The following FSTL5 variants were observed in gnomAD, a reference collection of about 807,000 sequenced individuals.
FSTL5 encodes follistatin like 5, also known as follistatin-related protein 5.
Under a neutral mutation model 89.1 loss-of-function variants are expected in FSTL5, and 62 were observed. The observed-to-expected ratio is 0.70, with a 90% CI of 0.57 to 0.86. FSTL5 has a LOEUF of 0.86. Among genes scored for constraint, FSTL5 ranks in the 40% least tolerant of loss-of-function variants. The pLI is 0.00. For synonymous variants in FSTL5, 383 were observed against 346.2 expected, an observed-to-expected ratio of 1.11 and a Z score of -1.18; for missense variants, 1,057 against 1,001.6, an observed-to-expected ratio of 1.06 and a Z score of -0.75.
At chr4:162,070,467 A>T (rs1729569266) in intron 2 of FSTL5, among the ~76,000 whole-genome samples, 1 of 151,856 alleles carries the variant, frequency 6.6e-6, no homozygotes. Context: ...TTTCTTCTAC[A>T]GGTTGCATAG....
Position 161,502,094 on chromosome 4 carries a change from C to G in FSTL5, c.1340-1960G>C, listed in dbSNP as rs563136460. ...TCTTTAACTTTGCCAAAATACTGTT[C>G]GAAAATTATGAATTTGAATGTGTTT... On this transcript the variant is annotated intron_variant, in intron 11 of 15. Transcript: ENST00000306100. Among the ~76,000 whole-genome samples, 18 of 152,022 alleles carry G rather than the reference C, an allele frequency of 1.2e-4. No homozygotes were observed. The East Asian group carries it at 3.5e-3, about 29-fold the overall frequency.
intron 9 of FSTL5, among the ~76,000 whole-genome samples, chr4:161,541,752 T>A (rs996090445): frequency 6.6e-6 from 1 of 151,920 alleles, no homozygotes; most frequent in Non-Finnish European, 1.5e-5. Context: ...AGTCATAAAA[T>A]AAGAACTATA....
chr4:162,041,430 A>ATTT (rs1001098774), intron 2 of FSTL5, among the ~76,000 whole-genome samples: 1 of 152,026 alleles, frequency 6.6e-6, no homozygotes, highest in Non-Finnish European at 1.5e-5. Flanking sequence ...AATGAAAGTA[A>ATTT]TTTTCTTATG....
At chr4:161,704,711 A>G (rs1228033853) in intron 6 of FSTL5, among the ~76,000 whole-genome samples, 1 of 152,076 alleles carries the variant, frequency 6.6e-6, no homozygotes, top group Non-Finnish European at 1.5e-5. Flanking sequence ...AAGCAGTTTA[A>G]AGATTAAATC....
At chr4:161,988,028 A>G (rs558702346) in intron 3 of FSTL5, among the ~76,000 whole-genome samples, 7 of 151,750 alleles carry the variant, frequency 4.6e-5, no homozygotes, top group African/African-American at 1.7e-4. Context: ...TACAAATTTT[A>G]TTGTGAGAGA....
chr4:162,067,208 C>T (rs573121905), intron 2 of FSTL5, among the ~76,000 whole-genome samples: 2 of 152,018 alleles, frequency 1.3e-5, no homozygotes, highest in Admixed American at 1.3e-4. Context: ...GCCATGCCCC[C>T]ACACCCAACA....
At chr4:161,910,560 T>C (rs1162154771) in intron 4 of FSTL5, among the ~76,000 whole-genome samples, 3 of 152,264 alleles carry the variant, frequency 2.0e-5, no homozygotes, top group Admixed American at 6.5e-5. Flanking sequence ...CCCAGTCTTC[T>C]GTTTGCTTAG....
chr4:162,032,730 C>A (rs182870645), intron 3 of FSTL5: 3 of 152,060 alleles, frequency 2.0e-5, no homozygotes, highest in Admixed American at 1.3e-4. Context: ...GTGTAACTAC[C>A]CTTTCAGCAT....
intron 3 of FSTL5, among the ~76,000 whole-genome samples, chr4:161,956,787 C>A (rs569499068): frequency 1.3e-5 from 2 of 151,840 alleles, no homozygotes; most frequent in South Asian, 2.1e-4. Context: ...AACAGATTAG[C>A]TAAAACTTCA....
chr4:161,520,181 T>A (rs1003305940), intron 10 of FSTL5, among the ~76,000 whole-genome samples: 8 of 151,952 alleles, frequency 5.3e-5, no homozygotes, highest in African/African-American at 1.7e-4. Flanking sequence ...AAGAAAAAAA[T>A]TAAGATGGTA....
In FSTL5 at chr4:161,687,768, G is replaced by C. The variant is rs1015341711; in HGVS notation, c.728-31274C>G. On this transcript the variant is annotated intron_variant, in intron 6 of 15. Transcript: ENST00000306100. ...CTTCTTACACCTTGCTTATGTGCAA[G>C]GAGAATATCAACAGAGGGAAAATGT... 1.2e-3 allele frequency among the ~76,000 whole-genome samples: 179 copies of C among 152,118 alleles called. 2 individuals are homozygous for C. The highest frequency in any genetic ancestry group is 4.3e-3 in the African/African-American group (178 of 41,422).
chr4:161,735,268 T>C (rs1389158930), intron 6 of FSTL5, among the ~76,000 whole-genome samples: 2 of 152,064 alleles, frequency 1.3e-5, no homozygotes, highest in Non-Finnish European at 2.9e-5. Flanking sequence ...CGCGAGAAGG[T>C]TCTATGCCTT....
chr4:161,630,758 C>T (rs1357807238), intron 7 of FSTL5, among the ~76,000 whole-genome samples: 1 of 152,158 alleles, frequency 6.6e-6, no homozygotes, highest in Non-Finnish European at 1.5e-5. Flanking sequence ...AACCAATTAA[C>T]AAAATTATTC....
intron 3 of FSTL5, among the ~76,000 whole-genome samples, chr4:162,029,906 CTTTTTTTTTT>C (rs67266989): frequency 6.9e-6 from 1 of 144,136 alleles, no homozygotes; most frequent in Non-Finnish European, 1.5e-5. Context: ...AAATTATTTC[CTTTTTTTTTT>C]TTTTTTTTTT....
At chr4:161,550,500 T>C (rs1159861539) in intron 8 of FSTL5, among the ~76,000 whole-genome samples, 1 of 151,614 alleles carries the variant, frequency 6.6e-6, no homozygotes, top group Non-Finnish European at 1.5e-5. Flanking sequence ...TATTGAAGGT[T>C]AAAACAAATA....
chr4:161,641,619 G>A (rs1287368862), intron 7 of FSTL5, among the ~76,000 whole-genome samples: 4 of 151,418 alleles, frequency 2.6e-5, no homozygotes, highest in African/African-American at 9.7e-5. Context: ...AGCCTCCCAA[G>A]TAGCTGGGAA....
intron 10 of FSTL5, among the ~76,000 whole-genome samples, chr4:161,526,036 T>A (rs1731208531): frequency 6.6e-6 from 1 of 152,148 alleles, no homozygotes; most frequent in Non-Finnish European, 1.5e-5. Context: ...TGATAATGAG[T>A]TTCTGTCAAT....
chr4:162,046,138 T>G (rs1738167644), intron 2 of FSTL5, among the ~76,000 whole-genome samples: 1 of 152,042 alleles, frequency 6.6e-6, no homozygotes, highest in African/African-American at 2.4e-5. Context: ...GAACACGGGT[T>G]TTTTTATTTG....
rs559106368 is a variant in FSTL5 at position 161,908,615 on chromosome 4, G to A, written c.409+11789C>T. ...CAATGACCCTACAAATATCACATTG[G>A]CTAAGTCAATCTATATTCCATGATT... is the stretch of plus-strand genomic sequence containing the variant. On this transcript the variant is annotated intron_variant, in intron 4 of 15. Coordinates refer to ENST00000306100, the MANE Select transcript of FSTL5 (RefSeq NM_020116.5). 3.3e-5 allele frequency among the ~76,000 whole-genome samples: 5 copies of A among 152,056 alleles called. No homozygotes were observed. In the South Asian group the frequency reaches 8.3e-4, roughly 25 times the overall value.
Sources: gnomAD v4.1 joint callset for allele counts (sites outside exome capture counted in the v4.1 genomes callset) on GRCh38, gnomAD v4.1.1 for gene constraint, MANE v1.5 for transcripts, NCBI Gene and HGNC (gene_info 2026-07-23, HGNC 2026-07-21) for gene names.